Variants in SPEF2 observed in about 807,000 individuals in gnomAD.
SPEF2 encodes sperm flagellar and cilia associated 2.
A neutral mutation model predicts 224.6 loss-of-function variants in SPEF2; 187 were observed. The observed-to-expected ratio is 0.83, with a 90% CI of 0.74 to 0.94. The LOEUF is 0.94. SPEF2 is among the 40% of genes least tolerant of loss of function. The pLI, the probability that SPEF2 is intolerant of heterozygous loss-of-function variation, is 0.00. For synonymous variants in SPEF2, 715 were observed against 707.3 expected, an observed-to-expected ratio of 1.01 and a Z score of -0.17; for missense variants, 2,170 against 2,135.6, an observed-to-expected ratio of 1.02 and a Z score of -0.32.
At position 35,700,702 on chromosome 5, in the gene SPEF2, T is replaced by C; in HGVS notation, c.2348T>C (p.Leu783Ser). ...TCTCCTGCATTTGATTTTGTCATAT[T>C]ATTAGATGTTTCAGATACTTCCTCA... is the stretch of plus-strand genomic sequence containing the variant. ...LPSPAFDFVI[L>S]LDVSDTSSMS... is the part of the protein sequence containing the mutation. Residue 783 changes from leucine to serine, a missense_variant, in exon 16 of 37, where the codon TTA (leucine) becomes TCA (serine). Leu to Ser is a moderately radical substitution (Grantham distance 145, BLOSUM62 -2). Transcript: ENST00000356031. 1.1e-5 allele frequency: 18 copies of C among 1,613,976 alleles called. No individual in the cohort carries two copies. The highest frequency in any genetic ancestry group is 1.5e-5 in the Non-Finnish European group (18 of 1,179,900).
At chr5:35,650,318 T>C (rs889607467) in intron 6 of SPEF2, among the ~76,000 whole-genome samples, 5 of 151,926 alleles carry the variant, frequency 3.3e-5, no homozygotes, top group African/African-American at 1.2e-4. Flanking sequence ...AAACTCCTGA[T>C]GCCCTATTCT....
chr5:35,719,957 C>G (rs1743314208), intron 20 of SPEF2, among the ~76,000 whole-genome samples: 1 of 152,100 alleles, frequency 6.6e-6, no homozygotes, highest in South Asian at 2.1e-4. Flanking sequence ...GGTCAGGAAC[C>G]CTGTACAAGG....
intron 1 of SPEF2, among the ~76,000 whole-genome samples, chr5:35,627,513 A>G (rs556771165): frequency 6.6e-6 from 1 of 152,134 alleles, no homozygotes; most frequent in Non-Finnish European, 1.5e-5. Flanking sequence ...AGGCAGGAGA[A>G]TCGCTTGAAC....
chr5:35,658,791 G>T lies in SPEF2; in HGVS notation c.979-228G>T, dbSNP rs78093448. Among the ~76,000 whole-genome samples, 1,369 of 152,000 alleles carry T rather than the reference G, an allele frequency of 9.0e-3. 17 individuals are homozygous for T. Among genetic ancestry groups the T allele is most frequent in the African/African-American group, 0.032 (1,332 of 41,420 alleles). On this transcript the variant is annotated intron_variant, in intron 7 of 36. Transcript: ENST00000356031. ...AATGTTTTGAATGAAGTAATAATTTGTTTAAAGTAATTGTGAGTTGCAAAG... is the reference window on the plus strand; with the variant it reads ...AATGTTTTGAATGAAGTAATAATTTTTTTAAAGTAATTGTGAGTTGCAAAG...
At chr5:35,756,144 T>G (rs1208483622) in intron 24 of SPEF2, among the ~76,000 whole-genome samples, 1 of 152,220 alleles carries the variant, frequency 6.6e-6, no homozygotes, top group Non-Finnish European at 1.5e-5. Flanking sequence ...AATCTCACAC[T>G]GTTTCATTCT....
chr5:35,720,486 TA>T (rs1743438392), intron 20 of SPEF2, among the ~76,000 whole-genome samples: 1 of 152,230 alleles, frequency 6.6e-6, no homozygotes, highest in South Asian at 2.1e-4. Flanking sequence ...GAGCATCTGT[TA>T]AAATTCTATA....
At chr5:35,770,911 G>C (rs892091092) in intron 26 of SPEF2, among the ~76,000 whole-genome samples, 1 of 152,108 alleles carries the variant, frequency 6.6e-6, no homozygotes, top group African/African-American at 2.4e-5. Context: ...TAAGAACCTT[G>C]GGGTTAGCTT....
chr5:35,810,968 G>A (rs1758495489), intron 36 of SPEF2, among the ~76,000 whole-genome samples: 1 of 151,968 alleles, frequency 6.6e-6, no homozygotes, highest in Non-Finnish European at 1.5e-5. Context: ...TACCACCCAG[G>A]GGACTCATTT....
chr5:35,722,532 A>G (rs10058815), intron 20 of SPEF2, among the ~76,000 whole-genome samples: 97,985 of 139,354 alleles, frequency 0.7, 35,215 homozygotes, highest in Middle Eastern at 0.79. Flanking sequence ...TGTGCACATT[A>G]TGCAGGTTAG....
Position 35,683,619 on chromosome 5 carries a change from C to G in SPEF2, c.1525-7418C>G, listed in dbSNP as rs1361010959. Among the ~76,000 whole-genome samples the G allele has an allele frequency of 4.6e-5, 7 of 152,248 alleles. No individual in the cohort carries two copies. In the East Asian group the frequency reaches 1.4e-3, roughly 29 times the overall value. On this transcript the variant is annotated intron_variant, in intron 10 of 36. Transcript: ENST00000356031. ...CAGCCTGGGTGACAGAGTGAGACTT[C>G]GTCTCAAAACAAACAAACAAGCAAA...
chr5:35,722,858 C>T (rs1330701537), intron 20 of SPEF2, among the ~76,000 whole-genome samples: 1 of 151,752 alleles, frequency 6.6e-6, no homozygotes, highest in Non-Finnish European at 1.5e-5. Flanking sequence ...GTTTTGAGTC[C>T]CCATTTCACT....
intron 9 of SPEF2, 38 bp downstream of exon 9, chr5:35,667,297 A>G (rs1303910203): frequency 1.3e-6 from 2 of 1,497,776 alleles, no homozygotes; most frequent in Non-Finnish European, 1.8e-6. Flanking sequence ...GAGACACGAT[A>G]GAGAATGAGG....
chr5:35,715,730 T>C (rs1742418542), intron 20 of SPEF2, among the ~76,000 whole-genome samples: 1 of 152,094 alleles, frequency 6.6e-6, no homozygotes, highest in Admixed American at 6.6e-5. Flanking sequence ...AACTTCTACT[T>C]TAAGTTATAT....
At chr5:35,768,935 T>C (rs1752437406) in intron 26 of SPEF2, among the ~76,000 whole-genome samples, 2 of 152,180 alleles carry the variant, frequency 1.3e-5, no homozygotes, top group South Asian at 4.1e-4. Flanking sequence ...ACCATGTTAA[T>C]TTTTGGCAAA....
At chr5:35,635,972 C>T (rs574998320) in intron 2 of SPEF2, among the ~76,000 whole-genome samples, 1 of 151,838 alleles carries the variant, frequency 6.6e-6, no homozygotes, top group African/African-American at 2.4e-5. Flanking sequence ...CTTTTTTTTC[C>T]TTGTGTATAG....
At chr5:35,774,346 T>C (rs1446845941) in intron 28 of SPEF2, among the ~76,000 whole-genome samples, 2 of 151,908 alleles carry the variant, frequency 1.3e-5, no homozygotes, top group Non-Finnish European at 2.9e-5. Flanking sequence ...CAAAAGAAAA[T>C]GTTGAAAGTT....
At chr5:35,784,346 C>T (rs138961654) in intron 30 of SPEF2, among the ~76,000 whole-genome samples, 7,103 of 152,118 alleles carry the variant, frequency 0.047, 472 homozygotes, top group African/African-American at 0.14. Context: ...GCCAGGATGG[C>T]CTCCATCTCC....
chr5:35,808,053 G>A (rs1758285593), intron 36 of SPEF2: 1 of 1,097,710 alleles, frequency 9.1e-7, no homozygotes, highest in Non-Finnish European at 1.1e-6. Flanking sequence ...TGTAGATTGT[G>A]TATCTTGACT....
intron 8 of SPEF2, among the ~76,000 whole-genome samples, chr5:35,664,792 G>C (rs1373893848): frequency 1.4e-5 from 2 of 142,208 alleles, no homozygotes; most frequent in Non-Finnish European, 3.1e-5. Flanking sequence ...AAGAGGGAGG[G>C]AGAGAGAGGG....
Sources: gnomAD v4.1 joint callset for allele counts (sites outside exome capture counted in the v4.1 genomes callset) on GRCh38, gnomAD v4.1.1 for gene constraint, MANE v1.5 for transcripts, NCBI Gene and HGNC (gene_info 2026-07-23, HGNC 2026-07-21) for gene names.